Variants in TCF7L1 observed in about 807,000 individuals in gnomAD.
The protein encoded by TCF7L1 is transcription factor 7 like 1, also known as transcription factor 7-like 1.
In TCF7L1, 18 loss-of-function variants were observed where a neutral mutation model predicts 63.7. The ratio of observed to expected loss-of-function variants is 0.28; its 90% confidence interval spans 0.20 to 0.42. TCF7L1 has a LOEUF of 0.42. Ranked by LOEUF, TCF7L1 falls within the 10% of genes least tolerant of loss-of-function variation. TCF7L1 has a pLI of 1.00. For synonymous variants in TCF7L1, 355 were observed against 340.9 expected (o/e 1.04, Z -0.46); for missense variants, 654 against 779.3 (o/e 0.84, Z 1.91).
intron 3 of TCF7L1, among the ~76,000 whole-genome samples, chr2:85,208,565 TA>T (rs1572992277): frequency 6.6e-6 from 1 of 152,192 alleles, no homozygotes; most frequent in Non-Finnish European, 1.5e-5. Context: ...AGTTCATGGC[TA>T]AATTCTCACC....
intron 3 of TCF7L1, among the ~76,000 whole-genome samples, chr2:85,268,504 G>A (rs576176748): frequency 1.5e-5 from 2 of 134,290 alleles, no homozygotes; most frequent in Non-Finnish European, 3.1e-5. Context: ...ACGGAGTCTC[G>A]CTCACGTCAC....
At chr2:85,189,399 C>G (rs1678998274) in intron 3 of TCF7L1, among the ~76,000 whole-genome samples, 1 of 152,218 alleles carries the variant, frequency 6.6e-6, no homozygotes, top group South Asian at 2.1e-4. Context: ...ACATGATGGG[C>G]ACATGGAGGC....
intron 4 of TCF7L1, among the ~76,000 whole-genome samples, chr2:85,300,059 T>G (rs1365013805): frequency 6.6e-6 from 1 of 152,188 alleles, no homozygotes; most frequent in Non-Finnish European, 1.5e-5. Context: ...CATAGTATAT[T>G]TTTTTAAGTA....
At chr2:85,262,138 A>T (rs767860550) in intron 3 of TCF7L1, 1 of 546,026 alleles carries the variant, frequency 1.8e-6, no homozygotes, top group East Asian at 5.1e-5. Flanking sequence ...CTTCCGCATC[A>T]TCTAATAACA....
In TCF7L1 at chr2:85,220,137, A is replaced by G. The variant is rs983910945; in HGVS notation, c.442-63358A>G. 3.3e-5 allele frequency among the ~76,000 whole-genome samples: 5 copies of G among 152,320 alleles called. No homozygotes were observed. The South Asian group carries it at 8.3e-4, about 25-fold the overall frequency. ...AATACATATGTAGTGAAATATATTC[A>G]ATGAAAAACATGCAGAGGTATGACA... On this transcript the variant is annotated intron_variant, in intron 3 of 11. Transcript: ENST00000282111.
Position 85,308,456 on chromosome 2 carries a change from CCTCT to C in TCF7L1, c.1334-570_1334-567del, listed in dbSNP as rs112523821. On this transcript the variant is annotated intron_variant, in intron 11 of 11. Coordinates refer to ENST00000282111, the MANE Select transcript of TCF7L1 (RefSeq NM_031283.3). ...TTCTCCCTCCCTTTCTCTTTCCCTC[CCTCT>C]CTTTCCCTCCCTCTCCCCCTCCTTC... 1.3e-4 allele frequency among the ~76,000 whole-genome samples: 11 copies of C among 85,958 alleles called. No homozygotes were observed. The South Asian group carries it at 2.3e-3, about 18-fold the overall frequency. The allele number at this position is 85,958 out of a possible 152,430, so 56.4% of individuals were successfully genotyped here.
At chr2:85,224,705 T>C (rs1679919385) in intron 3 of TCF7L1, among the ~76,000 whole-genome samples, 1 of 152,236 alleles carries the variant, frequency 6.6e-6, no homozygotes, top group South Asian at 2.1e-4. Flanking sequence ...GATGGATAGA[T>C]TGCAAAAATT....
At chr2:85,200,850 T>C (rs994440202) in intron 3 of TCF7L1, among the ~76,000 whole-genome samples, 1 of 152,120 alleles carries the variant, frequency 6.6e-6, no homozygotes, top group African/African-American at 2.4e-5. Context: ...CTGCGACACT[T>C]GAGTTACCTG....
chr2:85,215,679 G>A (rs1015663892), intron 3 of TCF7L1, among the ~76,000 whole-genome samples: 2 of 148,002 alleles, frequency 1.4e-5, no homozygotes, highest in African/African-American at 5.0e-5. Flanking sequence ...CTGTAATTGT[G>A]ACTTCTCTGT....
chr2:85,178,456 G>A (rs1042855090), intron 3 of TCF7L1, among the ~76,000 whole-genome samples: 1 of 152,056 alleles, frequency 6.6e-6, no homozygotes, highest in African/African-American at 2.4e-5. Context: ...AACTCCTCCT[G>A]TGCACCCAAG....
chr2:85,204,300 C>CAA (rs1679343898), intron 3 of TCF7L1, among the ~76,000 whole-genome samples: 1 of 108,556 alleles, frequency 9.2e-6, no homozygotes, highest in Non-Finnish European at 2.1e-5. Flanking sequence ...TTCCCCCCCC[C>CAA]CCCCCACTTA....
At chr2:85,240,118 C>T (rs1443438962) in intron 3 of TCF7L1, among the ~76,000 whole-genome samples, 1 of 152,206 alleles carries the variant, frequency 6.6e-6, no homozygotes, top group Non-Finnish European at 1.5e-5. Flanking sequence ...ACTGAGTGTT[C>T]CGTGTGTGTT....
chr2:85,239,474 C>A (rs1214691509), intron 3 of TCF7L1, among the ~76,000 whole-genome samples: 1 of 152,194 alleles, frequency 6.6e-6, no homozygotes, highest in African/African-American at 2.4e-5. Flanking sequence ...TCTTCCCAAC[C>A]CATCATGCCC....
intron 3 of TCF7L1, among the ~76,000 whole-genome samples, chr2:85,136,277 T>C (rs1210361749): frequency 6.6e-6 from 1 of 152,186 alleles, no homozygotes; most frequent in East Asian, 1.9e-4. Flanking sequence ...TCATCCAGGC[T>C]CTGCTGTCTG....
chr2:85,290,339 C>A (rs1297358805), intron 4 of TCF7L1, among the ~76,000 whole-genome samples: 2 of 151,902 alleles, frequency 1.3e-5, no homozygotes, highest in East Asian at 1.9e-4. Flanking sequence ...GTGCGCTTTT[C>A]CCCCCATTTA....
At chr2:85,142,546 A>T (rs1240617138) in intron 3 of TCF7L1, among the ~76,000 whole-genome samples, 1 of 151,780 alleles carries the variant, frequency 6.6e-6, no homozygotes, top group Non-Finnish European at 1.5e-5. Flanking sequence ...AGGGGCAGAT[A>T]TTGAGATATT....
chr2:85,161,242 T>C (rs1678281743), intron 3 of TCF7L1, among the ~76,000 whole-genome samples: 2 of 152,218 alleles, frequency 1.3e-5, no homozygotes, highest in Non-Finnish European at 2.9e-5. Flanking sequence ...AATTTTCAGG[T>C]TCTCTAGTGG....
chr2:85,238,522 C>G (rs372861795), intron 3 of TCF7L1, among the ~76,000 whole-genome samples: 61 of 152,272 alleles, frequency 4.0e-4, no homozygotes, highest in African/African-American at 1.4e-3. Flanking sequence ...TTCATTGATT[C>G]TTCCTTCAAC....
At chr2:85,300,699 A>G (rs1300065742) in intron 4 of TCF7L1, among the ~76,000 whole-genome samples, 3 of 152,180 alleles carry the variant, frequency 2.0e-5, no homozygotes, top group African/African-American at 7.2e-5. Context: ...CATGGAATCT[A>G]CGAAATGAAA....
Sources: gnomAD v4.1 joint callset for allele counts (sites outside exome capture counted in the v4.1 genomes callset) on GRCh38, gnomAD v4.1.1 for gene constraint, MANE v1.5 for transcripts, NCBI Gene and HGNC (gene_info 2026-07-23, HGNC 2026-07-21) for gene names.